The following H2AZ2 variants were observed in gnomAD, a reference collection of about 807,000 sequenced individuals.
H2AZ2 encodes the protein histone H2A.V.
A neutral mutation model predicts 15.5 loss-of-function variants in H2AZ2; 5 were observed. That is an observed-to-expected ratio of 0.32 (90% CI 0.17 to 0.68). H2AZ2 has a LOEUF of 0.68. Among genes scored for constraint, H2AZ2 ranks in the 30% least tolerant of loss-of-function variants. The pLI is 0.72. For missense variants in H2AZ2, 42 were observed against 162.5 expected (o/e 0.26, Z 4.03); for synonymous variants, 44 against 57.4 (o/e 0.77, Z 1.05).
At chr7:44,838,727 T>A (rs929756599) in intron 3 of H2AZ2, among the ~76,000 whole-genome samples, 1 of 152,192 alleles carries the variant, frequency 6.6e-6, no homozygotes, top group Admixed American at 6.5e-5. Flanking sequence ...AAACTATCCA[T>A]AACATCCATA....
chr7:44,847,330 A>G (rs1262462764), intron 1 of H2AZ2, among the ~76,000 whole-genome samples: 2 of 152,160 alleles, frequency 1.3e-5, no homozygotes, highest in Non-Finnish European at 2.9e-5. Flanking sequence ...TGAATACTTT[A>G]AGACTGAAAA....
Position 44,832,444 on chromosome 7 carries a change from C to T in H2AZ2, c.*2057G>A, listed in dbSNP as rs1403431457. Reference sequence around the variant, plus strand: ...GGATGCAGGTAAACAAGACTGACCACAGGACAGCTGTTGGAGGATGGGTAC... The same window carrying T: ...GGATGCAGGTAAACAAGACTGACCATAGGACAGCTGTTGGAGGATGGGTAC... On this transcript the variant is annotated 3_prime_UTR_variant, in exon 5 of 5. Coordinates refer to ENST00000308153, the MANE Select transcript of H2AZ2 (RefSeq NM_012412.5). Among the ~76,000 whole-genome samples, 5 of 152,140 alleles carry T rather than the reference C, an allele frequency of 3.3e-5. No homozygotes were observed. Among genetic ancestry groups the T allele is most frequent in the Non-Finnish European group, 7.3e-5 (5 of 68,028 alleles).
chr7:44,847,286 T>C (rs1379033184), intron 1 of H2AZ2, among the ~76,000 whole-genome samples: 1 of 152,212 alleles, frequency 6.6e-6, no homozygotes, highest in Non-Finnish European at 1.5e-5. Flanking sequence ...AGCCACACTC[T>C]TCTTATCTAG....
At position 44,837,823 on chromosome 7, in the gene H2AZ2, TA is replaced by T. The variant is rs1273497941; in HGVS notation, c.196-2166del. 8.0e-4 allele frequency among the ~76,000 whole-genome samples: 36 copies of T among 45,054 alleles called. 1 individual carries two copies. The highest frequency in any genetic ancestry group is 6.3e-3 in the East Asian group (16 of 2,524). The allele number at this position is 45,054 out of a possible 152,430, so 29.6% of individuals were successfully genotyped here. On this transcript the variant is annotated intron_variant, in intron 3 of 4. Transcript: ENST00000308153. ...ATTTTAACCAAAGTTCCCAAAGATT[TA>T]AAAAAAAGGGGGGGGGGGCTTAGAT...
intron 3 of H2AZ2, among the ~76,000 whole-genome samples, chr7:44,836,431 C>T (rs1229785558): frequency 6.6e-6 from 1 of 152,116 alleles, no homozygotes; most frequent in Non-Finnish European, 1.5e-5. Flanking sequence ...AAACCCTTGG[C>T]CTCAAGTGAT....
At chr7:44,842,166 C>T (rs1275186166) in intron 2 of H2AZ2, among the ~76,000 whole-genome samples, 3 of 152,170 alleles carry the variant, frequency 2.0e-5, no homozygotes, top group African/African-American at 7.2e-5. Context: ...GTCTGGCATA[C>T]AGTAGGCCCT....
In H2AZ2 at chr7:44,835,670, C is replaced by A. The variant is rs772379761; in HGVS notation, c.196-12G>T. ...GCCAGCTCCAGCACCTACAAAGCAT[C>A]CATGATTAGCATATCAAATGAAGGA... is the stretch of plus-strand genomic sequence containing the variant. On this transcript the variant is annotated splice_polypyrimidine_tract_variant and intron_variant, in intron 3 of 4. Coordinates refer to ENST00000308153, the MANE Select transcript of H2AZ2 (RefSeq NM_012412.5). The A allele has an allele frequency of 5.1e-6, 8 of 1,568,728 alleles. No homozygotes were observed. The highest frequency in any genetic ancestry group is 6.9e-6 in the Non-Finnish European group (8 of 1,152,824).
intron 1 of H2AZ2, among the ~76,000 whole-genome samples, chr7:44,845,063 T>C (rs1466901430): frequency 1.3e-5 from 2 of 152,302 alleles, no homozygotes; most frequent in East Asian, 3.9e-4. Context: ...TCAAAATAGA[T>C]GGTAAGCTTT....
At chr7:44,831,862 A>G (rs897958213), downstream of H2AZ2, among the ~76,000 whole-genome samples, 1 of 152,146 alleles carries the variant, frequency 6.6e-6, no homozygotes, top group Non-Finnish European at 1.5e-5. Context: ...ATCCAAACCC[A>G]CTATCAATCT....
Position 44,833,777 on chromosome 7 carries a change from A to G in H2AZ2, c.*724T>C, listed in dbSNP as rs1793050494. ...CTAGCTCTGTCATTTTCTATCTACC[A>G]GTTCAATGTTTTTTGGCATAGCACA... On this transcript the variant is annotated 3_prime_UTR_variant, in exon 5 of 5. Transcript: ENST00000308153. 1.3e-6 allele frequency: 1 copy of G among 777,770 alleles called. No individual in the cohort carries two copies. Among genetic ancestry groups the G allele is most frequent in the African/African-American group, 1.9e-5 (1 of 53,544 alleles). 48.2% of individuals were successfully genotyped at this position (777,770 alleles called of 1,614,324 possible).
At chr7:44,831,392 T>TGG, downstream of H2AZ2, among the ~76,000 whole-genome samples, 1 of 152,088 alleles carries the variant, frequency 6.6e-6, no homozygotes, top group East Asian at 1.9e-4. Flanking sequence ...AATACAACCC[T>TGG]GGGAAGAAAT....
downstream of H2AZ2, among the ~76,000 whole-genome samples, chr7:44,831,797 C>T (rs770226116): frequency 6.6e-6 from 1 of 152,070 alleles, no homozygotes; most frequent in Non-Finnish European, 1.5e-5. Flanking sequence ...TGGCTAAATC[C>T]ATCAGGGGAA....
At chr7:44,846,157 C>T (rs1220288795) in intron 1 of H2AZ2, among the ~76,000 whole-genome samples, 1 of 151,846 alleles carries the variant, frequency 6.6e-6, no homozygotes, top group Non-Finnish European at 1.5e-5. Context: ...ACTTTCATGT[C>T]AGTTTTAACA....
chr7:44,846,058 C>G (rs372231912), intron 1 of H2AZ2, among the ~76,000 whole-genome samples: 72 of 92,734 alleles, frequency 7.8e-4, no homozygotes, highest in Middle Eastern at 5.7e-3. Flanking sequence ...CACACACACA[C>G]ACACAGAGAG....
chr7:44,841,170 T>A (rs947867758), intron 2 of H2AZ2, among the ~76,000 whole-genome samples, 158 bp from the exon 3 acceptor site: 2 of 152,182 alleles, frequency 1.3e-5, no homozygotes, highest in East Asian at 3.8e-4. Context: ...AGGGCCTGTG[T>A]CTCTGTTCTG....
In H2AZ2 at chr7:44,842,590, A is replaced by C. The variant is rs144965369; in HGVS notation, c.81+687T>G. Among the ~76,000 whole-genome samples the C allele has an allele frequency of 2.0e-5, 3 of 152,238 alleles. No individual in the cohort carries two copies. The East Asian group carries it at 5.8e-4, about 29-fold the overall frequency. ...ACATGCTTTCTACTCCTTCCCATTC[A>C]AGTATGTTACTTTATTCCTAAACCA... is the stretch of plus-strand genomic sequence containing the variant. On this transcript the variant is annotated intron_variant, in intron 2 of 4. Transcript: ENST00000308153.
rs1793043325 is a variant in H2AZ2, at chr7:44,833,510, C to G, written c.*991G>C. 6.0e-6 allele frequency: 1 copy of G among 167,946 alleles called. No individual in the cohort carries two copies. Among genetic ancestry groups the G allele is most frequent in the Non-Finnish European group, 1.2e-5 (1 of 82,584 alleles). The allele number at this position is 167,946 out of a possible 1,614,324, so 10.4% of individuals were successfully genotyped here. ...TTGGCCTCCCAAAGTGCTGGGATTA[C>G]AGGCGTGAGCCACCGCGCCTGGCCG... On this transcript the variant is annotated 3_prime_UTR_variant, in exon 5 of 5. Transcript: ENST00000308153.
intron 1 of H2AZ2, among the ~76,000 whole-genome samples, chr7:44,843,983 T>C (rs918245082): frequency 6.6e-6 from 1 of 151,682 alleles, no homozygotes; most frequent in Non-Finnish European, 1.5e-5. Flanking sequence ...CAATGTAACA[T>C]ATATTACTTC....
chr7:44,835,863 T>C (rs890116550), intron 3 of H2AZ2, among the ~76,000 whole-genome samples: 2 of 151,982 alleles, frequency 1.3e-5, no homozygotes, highest in African/African-American at 4.8e-5. Flanking sequence ...GACACAAACT[T>C]GAGCAAAAAC....
Sources: allele counts gnomAD v4.1 joint callset (sites outside exome capture counted in the v4.1 genomes callset), GRCh38; gene constraint gnomAD v4.1.1; transcripts MANE v1.5; gene names NCBI Gene and HGNC (gene_info 2026-07-23, HGNC 2026-07-21).